The following KCNQ5 variants were observed in gnomAD, a reference collection of about 807,000 sequenced individuals.
KCNQ5 encodes potassium voltage-gated channel subfamily Q member 5.
In KCNQ5, 30 loss-of-function variants were observed where a neutral mutation model predicts 98.2. That is an observed-to-expected ratio of 0.31 (90% CI 0.23 to 0.41). The LOEUF (loss-of-function observed/expected upper bound fraction) is 0.41. Ranked by LOEUF, KCNQ5 falls within the 10% of genes least tolerant of loss-of-function variation. The pLI is 1.00. For missense variants in KCNQ5, 835 were observed against 1,182.5 expected, an observed-to-expected ratio of 0.71 and a Z score of 4.31; for synonymous variants, 458 against 449.4, an observed-to-expected ratio of 1.02 and a Z score of -0.24.
intron 1 of KCNQ5, among the ~76,000 whole-genome samples, chr6:72,860,494 G>T (rs1777719270): frequency 6.6e-6 from 1 of 152,038 alleles, no homozygotes; most frequent in South Asian, 2.1e-4. Flanking sequence ...AAAATAATGG[G>T]AGTAATGATA....
chr6:73,157,987 G>A, intron 10 of KCNQ5: 1 of 751,450 alleles, frequency 1.3e-6, no homozygotes. Context: ...CCCTTGAACG[G>A]CCGGAAGATC....
At chr6:72,760,127 A>G (rs1470203904) in intron 1 of KCNQ5, among the ~76,000 whole-genome samples, 3 of 152,112 alleles carry the variant, frequency 2.0e-5, no homozygotes, top group Non-Finnish European at 4.4e-5. Context: ...TTTCCAGATG[A>G]CAGGCTTTGT....
intron 1 of KCNQ5, among the ~76,000 whole-genome samples, chr6:72,894,400 G>A (rs570777803): frequency 2.6e-5 from 4 of 152,324 alleles, no homozygotes; most frequent in Admixed American, 6.5e-5. Flanking sequence ...CTTAGTTCTT[G>A]TATGGCAACT....
intron 1 of KCNQ5, among the ~76,000 whole-genome samples, chr6:72,948,488 A>C (rs930392894): frequency 6.6e-6 from 1 of 152,094 alleles, no homozygotes; most frequent in Non-Finnish European, 1.5e-5. Flanking sequence ...AAAAGAAAAA[A>C]AAATCTTTTT....
At position 72,986,850 on chromosome 6, in the gene KCNQ5, C is replaced by T. The variant is rs1031299697; in HGVS notation, c.399-17058C>T. ...GGGGCCCAGGACCCCACAGCCCTCT[C>T]AGTCCAGAACCCTTGGTTCTGCGAG... is the stretch of plus-strand genomic sequence containing the variant. On this transcript the variant is annotated intron_variant, in intron 1 of 13. Coordinates refer to ENST00000370398, the MANE Select transcript of KCNQ5 (RefSeq NM_019842.4). The T allele has an allele frequency of 3.0e-6, 3 of 996,466 alleles. No individual in the cohort carries two copies. The Admixed American group carries it at 5.4e-5, about 18-fold the overall frequency. The allele number at this position is 996,466 out of a possible 1,614,324, so 61.7% of individuals were successfully genotyped here.
At position 72,813,515 on chromosome 6, in the gene KCNQ5, G is replaced by A. The variant is rs149261663; in HGVS notation, c.399-190393G>A. On this transcript the variant is annotated intron_variant, in intron 1 of 13. Transcript: ENST00000370398. ...AATCCAAATGGGCCTCTTCCTTTAC[G>A]TCCCACAATTAATAGAAATTACTGT... Among the ~76,000 whole-genome samples the A allele has an allele frequency of 3.2e-3, 492 of 152,086 alleles. 3 individuals carry two copies. The highest frequency in any genetic ancestry group is 0.02 in the East Asian group (105 of 5,158).
In KCNQ5 at chr6:73,157,378, C is replaced by T; in HGVS notation, c.1469-12368C>T. ...ACAGGAAGGAGTCCACTGTGTCAGG[C>T]TTAGGATTCACAATTTCTGGGGGGC... On this transcript the variant is annotated intron_variant, in intron 10 of 13. Transcript: ENST00000370398. 1.1e-5 allele frequency: 6 copies of T among 561,854 alleles called. No homozygotes were observed. The South Asian group carries it at 1.1e-4, about 11-fold the overall frequency. The allele number at this position is 561,854 out of a possible 1,614,324, so 34.8% of individuals were successfully genotyped here. A position where few individuals can be genotyped will look rare whatever the true frequency, so the allele number is the denominator to read the frequency against.
intron 1 of KCNQ5, among the ~76,000 whole-genome samples, chr6:72,901,050 G>A (rs911869941): frequency 4.6e-5 from 7 of 151,568 alleles, no homozygotes; most frequent in Admixed American, 2.0e-4. Context: ...ATATGTATAC[G>A]TGTGCCATGT....
chr6:72,851,291 T>C (rs1409691547), intron 1 of KCNQ5, among the ~76,000 whole-genome samples: 1 of 152,164 alleles, frequency 6.6e-6, no homozygotes, highest in Non-Finnish European at 1.5e-5. Context: ...AAATTATTAG[T>C]TCAACGACAC....
At chr6:73,159,347 A>C (rs1777520818) in intron 10 of KCNQ5, among the ~76,000 whole-genome samples, 1 of 152,320 alleles carries the variant, frequency 6.6e-6, no homozygotes, top group South Asian at 2.1e-4. Flanking sequence ...GGCCTACTTG[A>C]GGGTGGATGG....
intron 1 of KCNQ5, among the ~76,000 whole-genome samples, chr6:72,820,104 C>A (rs1366527001): frequency 2.6e-5 from 4 of 152,190 alleles, no homozygotes; most frequent in Non-Finnish European, 5.9e-5. Flanking sequence ...AGGACAGATG[C>A]TTCCACTCTG....
At chr6:72,925,465 AT>A (rs1358798506) in intron 1 of KCNQ5, among the ~76,000 whole-genome samples, 1 of 152,236 alleles carries the variant, frequency 6.6e-6, no homozygotes, top group Non-Finnish European at 1.5e-5. Context: ...ACAAATATTC[AT>A]TTATGCATTC....
At chr6:72,987,670 C>A (rs1768859236) in intron 1 of KCNQ5, 1 of 610,258 alleles carries the variant, frequency 1.6e-6, no homozygotes, top group Admixed American at 2.4e-5. Context: ...CCGCGGAGCC[C>A]GTCTCTGCTT....
chr6:72,831,081 A>G (rs1450278771), intron 1 of KCNQ5, among the ~76,000 whole-genome samples: 1 of 152,210 alleles, frequency 6.6e-6, no homozygotes, highest in South Asian at 2.1e-4. Context: ...AGGAAACAAC[A>G]GGTGCTGGAG....
chr6:72,772,906 C>A (rs994570601), intron 1 of KCNQ5, among the ~76,000 whole-genome samples: 2 of 152,120 alleles, frequency 1.3e-5, no homozygotes, highest in Non-Finnish European at 2.9e-5. Flanking sequence ...GCACACCTAC[C>A]ACACCTGAAT....
At chr6:73,127,760 AC>A (rs1374025313) in intron 9 of KCNQ5, among the ~76,000 whole-genome samples, 2 of 152,174 alleles carry the variant, frequency 1.3e-5, no homozygotes, top group African/African-American at 4.8e-5. Context: ...CAGATCCAAA[AC>A]TTTTCTTTAA....
At chr6:72,817,597 AT>A (rs1252610813) in intron 1 of KCNQ5, among the ~76,000 whole-genome samples, 1 of 152,162 alleles carries the variant, frequency 6.6e-6, no homozygotes, top group Non-Finnish European at 1.5e-5. Context: ...TTGTTTTATA[AT>A]TGTAGAAACT....
At chr6:73,036,188 C>T (rs1254853619) in intron 2 of KCNQ5, among the ~76,000 whole-genome samples, 2 of 151,944 alleles carry the variant, frequency 1.3e-5, no homozygotes, top group Admixed American at 1.3e-4. Flanking sequence ...AGATCAAGAC[C>T]ATCCTGGCTA....
intron 2 of KCNQ5, among the ~76,000 whole-genome samples, chr6:73,020,653 C>A (rs1770561186): frequency 6.6e-6 from 1 of 152,090 alleles, no homozygotes; most frequent in Non-Finnish European, 1.5e-5. Flanking sequence ...ACCCTCTAAC[C>A]CTGTCTTGGT....
Sources: allele counts gnomAD v4.1 joint callset (sites outside exome capture counted in the v4.1 genomes callset), GRCh38; gene constraint gnomAD v4.1.1; transcripts MANE v1.5; gene names NCBI Gene and HGNC (gene_info 2026-07-23, HGNC 2026-07-21).